Variants in SNX29 observed in about 807,000 individuals in gnomAD.
The protein encoded by SNX29 is sorting nexin 29, also known as sorting nexin-29.
SNX29 carries 78 observed loss-of-function variants against 102.1 expected under a neutral mutation model. The ratio of observed to expected loss-of-function variants is 0.76; its 90% CI spans 0.64 to 0.92. The LOEUF (loss-of-function observed/expected upper bound fraction) is 0.92, where lower values mean the gene tolerates loss of function less well. Ranked by LOEUF, SNX29 falls within the 40% of genes least tolerant of loss-of-function variation. SNX29 has a pLI of 0.00. For missense variants in SNX29, 1,280 were observed against 1,061.7 expected, an observed-to-expected ratio of 1.21 and a Z score of -2.86; for synonymous variants, 580 against 414.5, an observed-to-expected ratio of 1.40 and a Z score of -4.85.
intron 14 of SNX29, among the ~76,000 whole-genome samples, chr16:12,247,199 C>T (rs1322905134): frequency 3.3e-5 from 5 of 152,044 alleles, no homozygotes; most frequent in Non-Finnish European, 7.4e-5. Flanking sequence ...ACCATTTGGC[C>T]GTTATAGCAG....
intron 15 of SNX29, among the ~76,000 whole-genome samples, chr16:12,346,811 G>A (rs189931918): frequency 6.6e-6 from 1 of 152,266 alleles, no homozygotes; most frequent in Admixed American, 6.5e-5. Flanking sequence ...TGTTGTAGGG[G>A]CCAGGAGAGC....
At chr16:12,109,801 G>A (rs1388036974) in intron 11 of SNX29, among the ~76,000 whole-genome samples, 6 of 152,052 alleles carry the variant, frequency 3.9e-5, no homozygotes, top group African/African-American at 1.4e-4. Flanking sequence ...CGCAATCTTG[G>A]CTCACTGCAA....
chr16:12,417,641 C>A (rs2084695299), intron 18 of SNX29, among the ~76,000 whole-genome samples: 1 of 151,936 alleles, frequency 6.6e-6, no homozygotes, highest in Admixed American at 6.6e-5. Flanking sequence ...CATTCCTTTT[C>A]CCTGTCATTT....
chr16:12,389,051 C>A (rs2083434919), intron 16 of SNX29, among the ~76,000 whole-genome samples: 1 of 152,112 alleles, frequency 6.6e-6, no homozygotes, highest in Non-Finnish European at 1.5e-5. Context: ...TGGTCCCAGG[C>A]CAATTTTTAC....
At chr16:11,992,927 T>C (rs57196125) in intron 1 of SNX29, among the ~76,000 whole-genome samples, 18,740 of 151,976 alleles carry the variant, frequency 0.12, 2,422 homozygotes, top group African/African-American at 0.33. Context: ...TTCAGGAGGC[T>C]GAGGTGGGTG....
At chr16:12,235,821 G>GTA (rs2077914080) in intron 14 of SNX29, among the ~76,000 whole-genome samples, 1 of 151,910 alleles carries the variant, frequency 6.6e-6, no homozygotes, top group African/African-American at 2.4e-5. Flanking sequence ...ATGTGTATGT[G>GTA]TGTGTGTGCT....
At chr16:12,318,880 G>A (rs2080840054) in intron 15 of SNX29, among the ~76,000 whole-genome samples, 1 of 152,122 alleles carries the variant, frequency 6.6e-6, no homozygotes, top group Non-Finnish European at 1.5e-5. Flanking sequence ...ACTAAGGTCT[G>A]AGTCCTGAAG....
At chr16:12,485,700 T>C (rs189909672) in intron 19 of SNX29, among the ~76,000 whole-genome samples, 6 of 152,206 alleles carry the variant, frequency 3.9e-5, no homozygotes, top group Non-Finnish European at 1.5e-5. Flanking sequence ...TGCAGGGGCA[T>C]TGAAGGCGAA....
intron 3 of SNX29, among the ~76,000 whole-genome samples, chr16:12,010,916 C>CAGGCTTTTTT (rs2056626948): frequency 6.6e-6 from 1 of 152,088 alleles, no homozygotes. Flanking sequence ...ATGGCTTTTT[C>CAGGCTTTTTT]AGGCTTTTTT....
intron 3 of SNX29, among the ~76,000 whole-genome samples, chr16:12,017,643 CT>C (rs2056890312): frequency 6.6e-6 from 1 of 152,132 alleles, no homozygotes; most frequent in Admixed American, 6.6e-5. Flanking sequence ...GTTATTTTTA[CT>C]GTAAACGTTT....
chr16:12,563,647 A>C (rs1241887321), intron 20 of SNX29, among the ~76,000 whole-genome samples: 1 of 152,148 alleles, frequency 6.6e-6, no homozygotes, highest in Admixed American at 6.5e-5. Context: ...GAAGGTAGGA[A>C]CTGAGTCTTT....
At chr16:12,105,627 A>G (rs748423205) in intron 11 of SNX29, among the ~76,000 whole-genome samples, 3 of 152,142 alleles carry the variant, frequency 2.0e-5, no homozygotes, top group Non-Finnish European at 2.9e-5. Flanking sequence ...TTCTTTTCTA[A>G]GTAGCACTGG....
At chr16:12,336,350 G>A (rs13332083) in intron 15 of SNX29, among the ~76,000 whole-genome samples, 16,410 of 152,172 alleles carry the variant, frequency 0.11, 2,280 homozygotes, top group African/African-American at 0.33. Context: ...GCAGTTCTTG[G>A]CAAGAATTTA....
chr16:12,562,041 G>C (rs1373776299), intron 20 of SNX29, among the ~76,000 whole-genome samples: 1 of 151,816 alleles, frequency 6.6e-6, no homozygotes, highest in East Asian at 1.9e-4. Context: ...TTTAGGGATG[G>C]AATCATCTGT....
chr16:12,327,670 G>A (rs184175112), intron 15 of SNX29, among the ~76,000 whole-genome samples: 1 of 152,124 alleles, frequency 6.6e-6, no homozygotes, highest in Non-Finnish European at 1.5e-5. Flanking sequence ...TGAATTACGG[G>A]GTGACACAGT....
At chr16:12,214,912 C>A (rs1267487157) in intron 14 of SNX29, among the ~76,000 whole-genome samples, 1 of 152,150 alleles carries the variant, frequency 6.6e-6, no homozygotes, top group Admixed American at 6.5e-5. Context: ...GTGACAGATT[C>A]AAGAAACATT....
intron 1 of SNX29, among the ~76,000 whole-genome samples, chr16:11,991,711 CTTTTTTTT>C (rs762156831): frequency 1.4e-4 from 16 of 118,354 alleles, no homozygotes; most frequent in Admixed American, 8.0e-4. Context: ...TGAGGCTAAT[CTTTTTTTT>C]TTTTTTTTTT....
chr16:12,027,510 A>G (rs2057227463), intron 4 of SNX29, 66 bp downstream of exon 4: 10 of 1,586,062 alleles, frequency 6.3e-6, no homozygotes, highest in Non-Finnish European at 8.6e-6. Flanking sequence ...CTTTTTATTT[A>G]TTTTTTAATA....
intron 16 of SNX29, among the ~76,000 whole-genome samples, chr16:12,379,762 G>A (rs974964827): frequency 1.3e-5 from 2 of 152,146 alleles, no homozygotes; most frequent in African/African-American, 4.8e-5. Flanking sequence ...TGATCACTGT[G>A]AGCAACAGGT....
Sources: gnomAD v4.1 joint callset for allele counts (sites outside exome capture counted in the v4.1 genomes callset) on GRCh38, gnomAD v4.1.1 for gene constraint, MANE v1.5 for transcripts, NCBI Gene and HGNC (gene_info 2026-07-23, HGNC 2026-07-21) for gene names.